ABCA6: variants seen among roughly 807,000 people sequenced by gnomAD.
The protein encoded by ABCA6 is ATP-binding cassette sub-family A member 6.
In ABCA6, 164 loss-of-function variants were observed where a neutral mutation model predicts 191.2. That is an observed-to-expected ratio of 0.86 (90% CI 0.76 to 0.98). ABCA6 has a LOEUF of 0.98. Ranked by LOEUF, ABCA6 falls within the 50% of genes least tolerant of loss-of-function variation. ABCA6 has a pLI of 0.00. For synonymous variants in ABCA6, 636 were observed against 647.7 expected, an observed-to-expected ratio of 0.98 and a Z score of 0.27; for missense variants, 1,958 against 1,894.1, an observed-to-expected ratio of 1.03 and a Z score of -0.63.
chr17:69,113,231 T>C lies in ABCA6; in HGVS notation c.2032A>G (p.Ile678Val), dbSNP rs923792136. 2.5e-6 allele frequency: 4 copies of C among 1,602,884 alleles called. No individual in the cohort carries two copies. The highest frequency in any genetic ancestry group is 3.4e-6 in the Non-Finnish European group (4 of 1,176,492). Residue 678 changes from isoleucine (I) to valine (V), a missense_variant, in exon 15 of 39, where the codon ATC becomes GTC. Physicochemically the swap from Ile to Val is conservative, Grantham distance 29. Transcript: ENST00000284425. ...FSTQSMDEADILADRKVIMSN... is the reference protein window; with the variant it reads ...FSTQSMDEADVLADRKVIMSN... ...TAAAACCAACAATTACCAGCCAGGA[T>C]GTCAGCCTCATCCATGGACTGGGTA...
At chr17:69,123,802 C>G (rs1284276140) in intron 9 of ABCA6, among the ~76,000 whole-genome samples, 3 of 151,944 alleles carry the variant, frequency 2.0e-5, no homozygotes, top group Non-Finnish European at 4.4e-5. Flanking sequence ...AAAAGGACAC[C>G]CAACAAGGAA....
At position 69,099,628 on chromosome 17, in the gene ABCA6, C is replaced by T. The variant is rs60532713; in HGVS notation, c.3012+1169G>A. On this transcript the variant is annotated intron_variant, in intron 22 of 38. Transcript: ENST00000284425. ...CAGTGAGACAGGTTCATGCTGCTAT[C>T]GTTCCAAAGAGGAAGGGTAATCACT... The T allele has an allele frequency of 5.3e-3, 824 of 154,372 alleles. 4 individuals carry two copies. The highest frequency in any genetic ancestry group is 0.018 in the African/African-American group (760 of 41,600). The allele number at this position is 154,372 out of a possible 1,614,324, so 9.6% of individuals were successfully genotyped here. A position where few individuals can be genotyped will look rare whatever the true frequency, so the allele number is the denominator to read the frequency against.
intron 37 of ABCA6, among the ~76,000 whole-genome samples, chr17:69,080,856 C>T (rs2072613105): frequency 1.3e-5 from 2 of 152,130 alleles, no homozygotes; most frequent in African/African-American, 2.4e-5. Flanking sequence ...CCTGCAGCTT[C>T]GGTCCCTGCA....
At chr17:69,129,173 G>C (rs2073812772) in intron 7 of ABCA6, among the ~76,000 whole-genome samples, 1 of 152,070 alleles carries the variant, frequency 6.6e-6, no homozygotes, top group Non-Finnish European at 1.5e-5. Flanking sequence ...GAAATTAGAG[G>C]TTCTTGTTCA....
chr17:69,091,254 G>A lies in ABCA6; in HGVS notation c.3417C>T (p.Thr1139=). The A allele has an allele frequency of 6.2e-7, 1 of 1,610,482 alleles. No individual in the cohort carries two copies. Among genetic ancestry groups the A allele is most frequent in the Non-Finnish European group, 8.5e-7 (1 of 1,179,214 alleles). ...TGATTAAAGTGATGGAAAACATGAT[G>A]GTGGAGGCCTACAAGGCAAGTTCAA... ...LWSFYFFFAS[T]IMFSITLINH... The change falls in exon 26 of 39, where the codon ACC becomes ACT. Residue 1139 remains threonine (T), a synonymous_variant. Transcript: ENST00000284425.
intron 6 of ABCA6, among the ~76,000 whole-genome samples, chr17:69,132,938 T>G (rs1051829625): frequency 6.6e-6 from 1 of 151,974 alleles, no homozygotes; most frequent in Admixed American, 6.6e-5. Flanking sequence ...ACATATGTAA[T>G]GTATGTAAAT....
At chr17:69,086,172 C>T (rs2072783106) in intron 30 of ABCA6, among the ~76,000 whole-genome samples, 1 of 152,214 alleles carries the variant, frequency 6.6e-6, no homozygotes, top group Non-Finnish European at 1.5e-5. Context: ...CAAACAATAG[C>T]CAATCTGTAA....
rs1322806855 is a variant in ABCA6, at chr17:69,078,947, A to G, written c.*26T>C. 6.8e-7 allele frequency: 1 copy of G among 1,469,398 alleles called. No homozygotes were observed. Among genetic ancestry groups the G allele is most frequent in the African/African-American group, 1.4e-5 (1 of 70,668 alleles). The allele number at this position is 1,469,398 out of a possible 1,614,324, so 91.0% of individuals were successfully genotyped here. On this transcript the variant is annotated 3_prime_UTR_variant, in exon 39 of 39. Transcript: ENST00000284425. ...ATAAAACATGAGTTTATAGGAGATCAACAAAAAATTACTAGGTTTGAGGTT... is the reference window on the plus strand; with the variant it reads ...ATAAAACATGAGTTTATAGGAGATCGACAAAAAATTACTAGGTTTGAGGTT...
At chr17:69,135,993 C>T in intron 4 of ABCA6, 99 bp downstream of exon 4, 4 of 1,146,462 alleles carry the variant, frequency 3.5e-6, no homozygotes, top group Non-Finnish European at 5.0e-6. Flanking sequence ...TCCCTGTTTT[C>T]TCATGTGTCA....
In ABCA6 at chr17:69,110,876, C is replaced by T. The variant is rs756546789; in HGVS notation, c.2197G>A (p.Asp733Asn). 1.1e-5 allele frequency: 17 copies of T among 1,611,682 alleles called. No individual in the cohort carries two copies. The highest frequency in any genetic ancestry group is 8.8e-5 in the South Asian group (8 of 90,956). ...TTGTTTTCTGTTTTTAATTTAGCAT[C>T]GGGGATGTGATGAGTAATGAAGGAT... Reference protein sequence around the residue: ...ITSFITHHIPDAKLKTENKEK... With the variant: ...ITSFITHHIPNAKLKTENKEK... The change falls in exon 17 of 39, where the codon GAT (aspartate) becomes AAT (asparagine). Residue 733 changes from aspartate (D) to asparagine (N), a missense_variant. By Grantham distance (23) the Asp-to-Asn change is conservative. Transcript: ENST00000284425.
intron 1 of ABCA6, among the ~76,000 whole-genome samples, chr17:69,140,999 A>T (rs2074018096): frequency 6.6e-6 from 1 of 152,058 alleles, no homozygotes; most frequent in Non-Finnish European, 1.5e-5. Flanking sequence ...CAACTTCAGA[A>T]CCTATAATTT....
rs895463920 is a variant in ABCA6 at position 69,139,452 on chromosome 17, C to T, written c.96+1156G>A. Among the ~76,000 whole-genome samples, 27 of 152,016 alleles carry T rather than the reference C, an allele frequency of 1.8e-4. 1 individual carries two copies. Among genetic ancestry groups the T allele is most frequent in the Admixed American group, 3.3e-4 (5 of 15,240 alleles). On this transcript the variant is annotated intron_variant, in intron 2 of 38. Coordinates refer to ENST00000284425, the MANE Select transcript of ABCA6 (RefSeq NM_080284.3). ...CATTAAAAAGTCAAGAAACAACAGG[C>T]GCTGGAGAGGATGTGGAGAAATAGG...
At chr17:69,104,674 A>C (rs2073253909) in intron 20 of ABCA6, 1 of 150,724 alleles carries the variant, frequency 6.6e-6, no homozygotes. Context: ...CAAAAAAACA[A>C]AAAAACAATT....
chr17:69,084,676 T>TG (rs1047810174), intron 32 of ABCA6, among the ~76,000 whole-genome samples, 169 bp from the exon 33 acceptor site: 4 of 152,082 alleles, frequency 2.6e-5, no homozygotes, highest in African/African-American at 9.7e-5. Flanking sequence ...AAGACTTTTT[T>TG]TTTTTTTTGC....
rs767999042 is a variant in ABCA6, at chr17:69,079,088, AAAG to A, written c.4753-17_4753-15del. 1.1e-5 allele frequency: 18 copies of A among 1,586,500 alleles called. No individual in the cohort carries two copies. The highest frequency in any genetic ancestry group is 1.6e-5 in the Non-Finnish European group (18 of 1,160,094). On this transcript the variant is annotated splice_polypyrimidine_tract_variant and intron_variant, in intron 38 of 38. Coordinates refer to ENST00000284425, the MANE Select transcript of ABCA6 (RefSeq NM_080284.3). ...CTCTAAGAATACCTAATTAGGAGAC[AAAG>A]AAGAAGGAAAGAAGGAAGAGAGATT...
In ABCA6 at chr17:69,123,827, T is replaced by C. The variant is rs116911235; in HGVS notation, c.1268-420A>G. Among the ~76,000 whole-genome samples the C allele has an allele frequency of 2.5e-3, 386 of 152,134 alleles. 15 individuals carry two copies. The East Asian group carries it at 0.067, about 27-fold the overall frequency. On this transcript the variant is annotated intron_variant, in intron 9 of 38. Transcript: ENST00000284425. ...CCAACAAGGAAACCATTATATGTCC[T>C]TTTTTTCCAGTCTTAACAATGGGTT...
intron 11 of ABCA6, among the ~76,000 whole-genome samples, chr17:69,116,594 C>T (rs907140957): frequency 1.3e-5 from 2 of 152,016 alleles, no homozygotes; most frequent in Admixed American, 1.3e-4. Context: ...TTTTTTATTA[C>T]ACTAAAAATT....
At chr17:69,089,009 T>C (rs1161071200) in intron 27 of ABCA6, among the ~76,000 whole-genome samples, 1 of 152,192 alleles carries the variant, frequency 6.6e-6, no homozygotes, top group Non-Finnish European at 1.5e-5. Context: ...ATAAGCTCCA[T>C]GAGGGCAGGG....
chr17:69,138,228 T>C (rs1208350560), intron 2 of ABCA6, among the ~76,000 whole-genome samples: 1 of 152,186 alleles, frequency 6.6e-6, no homozygotes, highest in Non-Finnish European at 1.5e-5. Context: ...GGTGCCTGAA[T>C]GATTGTGTGG....
Sources: gnomAD v4.1 joint callset for allele counts (sites outside exome capture counted in the v4.1 genomes callset) on GRCh38, gnomAD v4.1.1 for gene constraint, MANE v1.5 for transcripts, NCBI Gene and HGNC (gene_info 2026-07-23, HGNC 2026-07-21) for gene names.